The following ARHGAP10 variants were observed in gnomAD, a reference collection of about 807,000 sequenced individuals.
The protein encoded by ARHGAP10 is Rho GTPase activating protein 10.
In ARHGAP10, 87 loss-of-function variants were observed where a neutral mutation model predicts 108.6. The observed-to-expected ratio is 0.80, with a 90% CI of 0.67 to 0.96. The LOEUF is 0.96. ARHGAP10 is among the 40% of genes least tolerant of loss of function. ARHGAP10 has a pLI of 0.00. For missense variants in ARHGAP10, 939 were observed against 954.5 expected (o/e 0.98, Z 0.21); for synonymous variants, 347 against 341.1 (o/e 1.02, Z -0.19).
intron 10 of ARHGAP10, among the ~76,000 whole-genome samples, chr4:147,883,451 C>G (rs1355320712): frequency 6.6e-6 from 1 of 152,198 alleles, no homozygotes; most frequent in Non-Finnish European, 1.5e-5. Context: ...TGCGCACACA[C>G]CCATGGGTGG....
intron 22 of ARHGAP10, among the ~76,000 whole-genome samples, chr4:148,066,787 A>G (rs1578845807): frequency 6.6e-6 from 1 of 152,180 alleles, no homozygotes; most frequent in Non-Finnish European, 1.5e-5. Context: ...AGCGGCAGGG[A>G]TGGCCACAAC....
At chr4:147,763,989 G>A (rs780775999) in intron 1 of ARHGAP10, among the ~76,000 whole-genome samples, 10 of 151,984 alleles carry the variant, frequency 6.6e-5, no homozygotes, top group South Asian at 2.1e-4. Flanking sequence ...TCCTGACCTC[G>A]GGTGATCTGC....
intron 18 of ARHGAP10, among the ~76,000 whole-genome samples, chr4:147,968,593 G>T (rs936145013): frequency 9.2e-5 from 14 of 152,106 alleles, no homozygotes; most frequent in African/African-American, 3.4e-4. Flanking sequence ...TAAGTGACTT[G>T]CTTTCTTACT....
Position 148,012,923 on chromosome 4 carries a change from G to GT in ARHGAP10, c.1717-10340_1717-10339insT, listed in dbSNP as rs1560874586. 4.5e-5 allele frequency among the ~76,000 whole-genome samples: 6 copies of GT among 133,092 alleles called. No individual in the cohort carries two copies. In the East Asian group the frequency reaches 8.5e-4, roughly 19 times the overall value. 87.3% of individuals were successfully genotyped at this position (133,092 alleles called of 152,430 possible). On this transcript the variant is annotated intron_variant, in intron 18 of 22. Coordinates refer to ENST00000336498, the MANE Select transcript of ARHGAP10 (RefSeq NM_024605.4). ...TGTAGGGGATGGTGGGTATCTGTCT[G>GT]GTTTTTTTTTTTTTTTTAAACCTTC...
At chr4:147,811,131 G>A (rs767719375) in intron 1 of ARHGAP10, among the ~76,000 whole-genome samples, 1 of 152,196 alleles carries the variant, frequency 6.6e-6, no homozygotes, top group East Asian at 1.9e-4. Flanking sequence ...AAGTTCAACA[G>A]CTTCTGTTAA....
intron 1 of ARHGAP10, among the ~76,000 whole-genome samples, chr4:147,793,181 CAT>C (rs915055129): frequency 3.9e-4 from 59 of 149,694 alleles, no homozygotes; most frequent in African/African-American, 1.2e-3. Context: ...TGTGTGTGTG[CAT>C]ATATGTGTGT....
At chr4:147,827,178 CTT>C (rs11311332) in intron 3 of ARHGAP10, among the ~76,000 whole-genome samples, 50 of 145,270 alleles carry the variant, frequency 3.4e-4, no homozygotes, top group African/African-American at 8.0e-4. Context: ...TCACTGATCA[CTT>C]TTTTTTTTTT....
At chr4:148,023,226 T>C (rs1203808825) in intron 18 of ARHGAP10, 37 bp from the exon 19 acceptor site, 4 of 1,608,742 alleles carry the variant, frequency 2.5e-6, no homozygotes, top group Non-Finnish European at 2.6e-6. Flanking sequence ...TTTCTGTTCA[T>C]GGTAAATAAT....
intron 18 of ARHGAP10, among the ~76,000 whole-genome samples, chr4:147,989,598 G>T (rs2149634491): frequency 6.6e-6 from 1 of 152,304 alleles, no homozygotes. Flanking sequence ...TCTCCCATTT[G>T]CTTTTGAAAG....
At chr4:148,066,356 G>T (rs1182489879) in intron 22 of ARHGAP10, among the ~76,000 whole-genome samples, 1 of 152,196 alleles carries the variant, frequency 6.6e-6, no homozygotes, top group Non-Finnish European at 1.5e-5. Context: ...AGACCAATGA[G>T]AATCACACGG....
chr4:147,815,588 G>T (rs78227712), intron 1 of ARHGAP10, among the ~76,000 whole-genome samples: 1 of 152,148 alleles, frequency 6.6e-6, no homozygotes, highest in Non-Finnish European at 1.5e-5. Context: ...TGGGCACTGT[G>T]TCTCACACCT....
At chr4:147,768,502 A>T (rs1033128728) in intron 1 of ARHGAP10, among the ~76,000 whole-genome samples, 3 of 146,714 alleles carry the variant, frequency 2.0e-5, no homozygotes, top group African/African-American at 7.5e-5. Context: ...CTCCCTAATT[A>T]AAAAAAAAAA....
intron 13 of ARHGAP10, among the ~76,000 whole-genome samples, chr4:147,918,372 T>C (rs1417322856): frequency 6.6e-6 from 1 of 152,134 alleles, no homozygotes; most frequent in Non-Finnish European, 1.5e-5. Flanking sequence ...CCTGACCTCG[T>C]GATCCACCTG....
chr4:147,988,214 A>G (rs1266456955), intron 18 of ARHGAP10, among the ~76,000 whole-genome samples: 3 of 152,332 alleles, frequency 2.0e-5, no homozygotes, highest in Non-Finnish European at 4.4e-5. Flanking sequence ...GGCTCTTTGA[A>G]GCCATTCAAA....
At chr4:148,018,880 T>C (rs1248580630) in intron 18 of ARHGAP10, among the ~76,000 whole-genome samples, 1 of 152,216 alleles carries the variant, frequency 6.6e-6, no homozygotes, top group Admixed American at 6.5e-5. Context: ...AATTGTTTAA[T>C]TTTTGAGCTT....
chr4:147,819,007 T>C (rs753953742), intron 1 of ARHGAP10, among the ~76,000 whole-genome samples: 1 of 152,340 alleles, frequency 6.6e-6, no homozygotes, highest in South Asian at 2.1e-4. Context: ...GATATAACTA[T>C]AATTCTTAGC....
chr4:147,740,829 C>G (rs1483995335), intron 1 of ARHGAP10, among the ~76,000 whole-genome samples: 1 of 152,168 alleles, frequency 6.6e-6, no homozygotes, highest in African/African-American at 2.4e-5. Flanking sequence ...AATAAACATT[C>G]ATTTATTTTT....
chr4:148,049,536 C>A (rs1292492956), intron 20 of ARHGAP10, among the ~76,000 whole-genome samples: 1 of 152,050 alleles, frequency 6.6e-6, no homozygotes, highest in African/African-American at 2.4e-5. Flanking sequence ...TTTGCTCAAG[C>A]CAATCCTGAC....
At chr4:147,821,295 T>C (rs1011001866) in intron 1 of ARHGAP10, among the ~76,000 whole-genome samples, 4 of 152,110 alleles carry the variant, frequency 2.6e-5, no homozygotes, top group Non-Finnish European at 5.9e-5. Context: ...GGGTGGGAAA[T>C]AGATGAGTTT....
Sources: allele counts gnomAD v4.1 joint callset (sites outside exome capture counted in the v4.1 genomes callset), GRCh38; gene constraint gnomAD v4.1.1; transcripts MANE v1.5; gene names NCBI Gene and HGNC (gene_info 2026-07-23, HGNC 2026-07-21).